The following ANKDD1A variants were observed in gnomAD, a reference collection of about 807,000 sequenced individuals.
The protein encoded by ANKDD1A is ankyrin repeat and death domain containing 1A.
In ANKDD1A, 59 loss-of-function variants were observed where a neutral mutation model predicts 63.5. That is an observed-to-expected ratio of 0.93 (90% CI 0.75 to 1.15). The LOEUF (loss-of-function observed/expected upper bound fraction) is 1.15, where lower values mean the gene tolerates loss of function less well. ANKDD1A is among the 50% of genes most tolerant of loss of function. The pLI, the probability that ANKDD1A is intolerant of heterozygous loss-of-function variation, is 0.00. For missense variants in ANKDD1A, 632 were observed against 656.4 expected (o/e 0.96, Z 0.41); for synonymous variants, 266 against 263.9 (o/e 1.01, Z -0.08).
chr15:64,912,035 C>A, intron 1 of ANKDD1A, 71 bp downstream of exon 1: 1 of 1,227,454 alleles, frequency 8.1e-7, no homozygotes, highest in Non-Finnish European at 1.0e-6. Context: ...TTGGGGAGTG[C>A]CAGGGGTGAG....
chr15:64,950,937 A>C, intron 14 of ANKDD1A: 1 of 1,271,402 alleles, frequency 7.9e-7, no homozygotes, highest in African/African-American at 1.5e-5. Context: ...AGGAAGTAAG[A>C]TTCTTGTTTT....
At chr15:64,931,370 G>GGA in intron 7 of ANKDD1A, 117 bp from the exon 8 acceptor site, 1 of 874,506 alleles carries the variant, frequency 1.1e-6, no homozygotes. Flanking sequence ...GCAGGGCAGT[G>GGA]GAGAGCTCAA....
At chr15:64,914,373 A>C (rs2084954575) in intron 1 of ANKDD1A, among the ~76,000 whole-genome samples, 1 of 152,256 alleles carries the variant, frequency 6.6e-6, no homozygotes, top group South Asian at 2.1e-4. Context: ...TGGCAGCCTC[A>C]AACTCCTGGG....
intron 5 of ANKDD1A, 21 bp downstream of exon 5, chr15:64,926,191 C>T: frequency 6.2e-7 from 1 of 1,610,364 alleles, no homozygotes; most frequent in Non-Finnish European, 8.5e-7. Context: ...CTCAGGGCTA[C>T]TCATCATTCC....
At chr15:64,913,017 C>T (rs1160561259) in intron 1 of ANKDD1A, among the ~76,000 whole-genome samples, 3 of 152,124 alleles carry the variant, frequency 2.0e-5, no homozygotes, top group Non-Finnish European at 4.4e-5. Context: ...AAAGAGGGTG[C>T]CGGATGGGAG....
intron 14 of ANKDD1A, among the ~76,000 whole-genome samples, chr15:64,952,724 TC>T (rs2085318421): frequency 7.1e-6 from 1 of 141,776 alleles, no homozygotes; most frequent in Admixed American, 7.2e-5. Context: ...TCTTCTTTCT[TC>T]TTCTCCTTCT....
Position 64,930,930 on chromosome 15 carries a change from C to T in ANKDD1A, c.669+10C>T, listed in dbSNP as rs201693426. On this transcript the variant is annotated intron_variant, in intron 7 of 14. Coordinates refer to ENST00000319580, the MANE Select transcript of ANKDD1A (RefSeq NM_182703.6). ...GGAGGAGCAGAATGCGGTGAGTCAC[C>T]GCCTGGGGATGGCGAGATGCATGAC... 1.7e-3 allele frequency: 2,778 copies of T among 1,608,738 alleles called. 26 individuals are homozygous for T. The South Asian group carries it at 0.02, about 12-fold the overall frequency.
chr15:64,951,129 T>G lies in ANKDD1A; in HGVS notation c.1483+1157T>G. ...AAATCACTGTTAACAGACCTCCAGG[T>G]GATTCTACTGAAATGCACAGTCATG... On this transcript the variant is annotated intron_variant, in intron 14 of 14. Transcript: ENST00000319580. 11 of 1,152,802 alleles carry G rather than the reference T, an allele frequency of 9.5e-6. No individual in the cohort carries two copies. The South Asian group carries it at 1.9e-4, about 20-fold the overall frequency. 71.4% of individuals were successfully genotyped at this position (1,152,802 alleles called of 1,614,324 possible).
At chr15:64,925,879 G>C (rs2085042707) in intron 4 of ANKDD1A, among the ~76,000 whole-genome samples, 187 bp from the exon 5 acceptor site, 2 of 152,070 alleles carry the variant, frequency 1.3e-5, no homozygotes, top group South Asian at 4.2e-4. Flanking sequence ...CCCGACTCCT[G>C]CCAGCCCCCC....
intron 6 of ANKDD1A, among the ~76,000 whole-genome samples, chr15:64,927,602 CTT>C (rs5813333): frequency 7.3e-4 from 95 of 130,598 alleles, no homozygotes; most frequent in African/African-American, 2.7e-3. Flanking sequence ...AGCAAATTCC[CTT>C]TTTTTTTTTT....
chr15:64,945,116 C>T (rs1425463667), intron 12 of ANKDD1A, among the ~76,000 whole-genome samples: 8 of 152,166 alleles, frequency 5.3e-5, no homozygotes. Flanking sequence ...ATGCTATGCT[C>T]AGGCAACTTT....
intron 14 of ANKDD1A, chr15:64,951,001 T>C: frequency 7.9e-7 from 1 of 1,269,728 alleles, no homozygotes; most frequent in Non-Finnish European, 1.0e-6. Context: ...CCCCAGGAGG[T>C]GCACAGCCAT....
In ANKDD1A at chr15:64,933,315, G is replaced by A. The variant is rs562431518; in HGVS notation, c.769-821G>A. Among the ~76,000 whole-genome samples the A allele has an allele frequency of 2.5e-3, 379 of 152,336 alleles. 3 individuals are homozygous for A. Among genetic ancestry groups the A allele is most frequent in the Non-Finnish European group, 4.1e-3 (280 of 68,024 alleles). ...AACTCCTCAATCCTGGGCAAACTGA[G>A]ACAGTGGTGGGTCACCCTAGTGGGG... On this transcript the variant is annotated intron_variant, in intron 8 of 14. Transcript: ENST00000319580.
At chr15:64,937,597 A>AGG (rs1336616772) in intron 9 of ANKDD1A, among the ~76,000 whole-genome samples, 3 of 150,956 alleles carry the variant, frequency 2.0e-5, no homozygotes, top group African/African-American at 4.9e-5. Flanking sequence ...GTGTGGTGGC[A>AGG]CACGCCTGTA....
At chr15:64,950,100 C>T (rs2085258006) in intron 14 of ANKDD1A, 128 bp downstream of exon 14, 5 of 1,494,370 alleles carry the variant, frequency 3.3e-6, no homozygotes, top group Non-Finnish European at 4.4e-6. Flanking sequence ...CAGATTCCTA[C>T]CCCTAGCCCT....
intron 2 of ANKDD1A, among the ~76,000 whole-genome samples, chr15:64,916,752 C>T (rs1245072968): frequency 6.6e-6 from 1 of 152,196 alleles, no homozygotes; most frequent in Admixed American, 6.5e-5. Flanking sequence ...TTGCCTGAGA[C>T]CACAGAGAAA....
At chr15:64,954,026 T>TTC (rs2085370637) in intron 14 of ANKDD1A, among the ~76,000 whole-genome samples, 1 of 134,012 alleles carries the variant, frequency 7.5e-6, no homozygotes, top group Non-Finnish European at 1.6e-5. Context: ...TTCCTCTTCT[T>TTC]TTCTTTCTTC....
intron 4 of ANKDD1A, 184 bp downstream of exon 4, chr15:64,922,203 GCC>G: frequency 1.7e-6 from 1 of 578,442 alleles, no homozygotes; most frequent in East Asian, 2.9e-5. Context: ...AGAGTTCCCA[GCC>G]CTCTGGCTGG....
At position 64,930,826 on chromosome 15, in the gene ANKDD1A, G is replaced by A. The variant is rs1274900457; in HGVS notation, c.575G>A (p.Gly192Glu). 6.2e-7 allele frequency: 1 copy of A among 1,612,396 alleles called. No homozygotes were observed. The highest frequency in any genetic ancestry group is 8.5e-7 in the Non-Finnish European group (1 of 1,179,818). ...CAGGAGCCCTTTTTCCTGCAGGAGG[G>A]GAACACTGCCCTTCATCTGGCTGCT... ...GCDHNVKDKE[G>E]NTALHLAAGR... Residue 192 changes from glycine (G) to glutamate (E), a missense_variant, in exon 7 of 15, where the codon GGG becomes GAG. By Grantham distance (98) the Gly-to-Glu change is moderately conservative (BLOSUM62 -2). Coordinates refer to ENST00000319580, the MANE Select transcript of ANKDD1A (RefSeq NM_182703.6).
Sources: gnomAD v4.1 joint callset for allele counts (sites outside exome capture counted in the v4.1 genomes callset) on GRCh38, gnomAD v4.1.1 for gene constraint, MANE v1.5 for transcripts, NCBI Gene and HGNC (gene_info 2026-07-23, HGNC 2026-07-21) for gene names.